The following IFITM10 variants were observed in gnomAD, a reference collection of about 807,000 sequenced individuals.
The protein encoded by IFITM10 is interferon-induced transmembrane protein 10.
IFITM10 carries 17 observed loss-of-function variants against 19.0 expected under a neutral mutation model. The ratio of observed to expected loss-of-function variants is 0.90; its 90% CI spans 0.61 to 1.34. The LOEUF (loss-of-function observed/expected upper bound fraction) is 1.34, where lower values mean the gene tolerates loss of function less well. Among genes scored for constraint, IFITM10 ranks in the 40% most tolerant of loss-of-function variants. The pLI, the probability that IFITM10 is intolerant of heterozygous loss-of-function variation, is 0.00. For synonymous variants in IFITM10, 148 were observed against 147.2 expected, an observed-to-expected ratio of 1.01 and a Z score of -0.04; for missense variants, 306 against 319.8, an observed-to-expected ratio of 0.96 and a Z score of 0.33.
Position 1,735,180 on chromosome 11 carries a change from C to G in IFITM10, c.*100G>C. 1.5e-6 allele frequency: 2 copies of G among 1,342,328 alleles called. No individual in the cohort carries two copies. The highest frequency in any genetic ancestry group is 2.0e-6 in the Non-Finnish European group (2 of 984,998). The allele number at this position is 1,342,328 out of a possible 1,614,324, so 83.2% of individuals were successfully genotyped here. On this transcript the variant is annotated 3_prime_UTR_variant, in exon 3 of 3. Transcript: ENST00000340134. The stretch of plus-strand genomic sequence containing the variant: ...CTCAAGGGGGCCCCAGGACAAGAAG[C>G]CCTGCCCTGCCCCAACCTCATGGGA...
rs987080390 is a variant in IFITM10 at position 1,734,634 on chromosome 11, C to T, written c.*646G>A. 6.6e-6 allele frequency: 1 copy of T among 152,492 alleles called. No homozygotes were observed. Among genetic ancestry groups the T allele is most frequent in the African/African-American group, 2.4e-5 (1 of 41,568 alleles). 9.4% of individuals were successfully genotyped at this position (152,492 alleles called of 1,614,324 possible). A position where few individuals can be genotyped will look rare whatever the true frequency, so the allele number is the denominator to read the frequency against. On this transcript the variant is annotated 3_prime_UTR_variant, in exon 3 of 3. Transcript: ENST00000340134. ...TGGGGTACCTCCACCAAATGCCCCC[C>T]CTTCCCATTCACTGTCTGGCACAGC...
chr11:1,747,725 T>G lies in IFITM10; in HGVS notation c.479A>C (p.Asn160Thr). ...VNDYYLWSIF[N>T]FVYLNFCCLG... ...GCAGCAGAAGTTGAGGTAGACGAAG[T>G]TGAAGATGGACCACAGGTAATAGTC... The change falls in exon 2 of 3, where the codon AAC (asparagine) becomes ACC (threonine). Residue 160 changes from asparagine to threonine, a missense_variant. Coordinates refer to ENST00000340134, the MANE Select transcript of IFITM10 (RefSeq NM_001170820.4). 2 of 1,551,790 alleles carry G rather than the reference T, an allele frequency of 1.3e-6. No homozygotes were observed. The highest frequency in any genetic ancestry group is 2.4e-5 in the South Asian group (2 of 84,066).
chr11:1,749,585 C>T (rs905058738), intron 1 of IFITM10, among the ~76,000 whole-genome samples: 1 of 152,018 alleles, frequency 6.6e-6, no homozygotes, highest in Non-Finnish European at 1.5e-5. Context: ...CCAGGGACCC[C>T]CGCCCCTGGG....
intron 1 of IFITM10, chr11:1,749,118 C>A (rs748374236): frequency 5.5e-6 from 6 of 1,083,316 alleles, no homozygotes; most frequent in Admixed American, 4.3e-5. Flanking sequence ...CGCCTCCCAG[C>A]GGCCCAACCT....
rs1158345101 is a variant in IFITM10 at position 1,733,015 on chromosome 11, GC to G, written c.*2264del. ...GGAAGACACCTGGACACTGGGGTTGGCCTTAGCTGCCCCAGGAACTAGAAGC... is the reference window on the plus strand; with the variant it reads ...GGAAGACACCTGGACACTGGGGTTGGCTTAGCTGCCCCAGGAACTAGAAGC... On this transcript the variant is annotated 3_prime_UTR_variant, in exon 3 of 3. Coordinates refer to ENST00000340134, the MANE Select transcript of IFITM10 (RefSeq NM_001170820.4). The surrounding 1 kb of genome is among the most constrained non-coding windows in gnomAD (Gnocchi z 6.3). The G allele has an allele frequency of 6.6e-6, 1 of 152,268 alleles. No individual in the cohort carries two copies. Among genetic ancestry groups the G allele is most frequent in the Non-Finnish European group, 1.5e-5 (1 of 68,132 alleles). The allele number at this position is 152,268 out of a possible 1,614,324, so 9.4% of individuals were successfully genotyped here.
At chr11:1,750,178 G>T in intron 1 of IFITM10, 181 bp downstream of exon 1, 1 of 598,472 alleles carries the variant, frequency 1.7e-6, no homozygotes. Flanking sequence ...CCCAGCCTCA[G>T]CCGCCTCCGC....
At chr11:1,748,952 G>A (rs1305742597) in intron 1 of IFITM10, 2 of 774,212 alleles carry the variant, frequency 2.6e-6, no homozygotes, top group East Asian at 1.3e-4. Flanking sequence ...GTCTGCGGCC[G>A]AGGCTCTGCA....
At position 1,748,099 on chromosome 11, in the gene IFITM10, G is replaced by T; in HGVS notation, c.105C>A (p.Cys35Ter). Residue 35 changes from cysteine (C) to a stop codon, truncating the protein, a stop_gained, in exon 2 of 3, where the codon TGC becomes TGA. Transcript: ENST00000340134. LOFTEE classifies it high-confidence loss of function. Reference sequence around the variant, plus strand: ...TGGCCGGGTCTCCCAGCGGGGCTGGGCACTGGCCGGGGCCCTGGGCCTGGA... The same window carrying T: ...TGGCCGGGTCTCCCAGCGGGGCTGGTCACTGGCCGGGGCCCTGGGCCTGGA... Reference protein sequence around the residue: ...WELEAQGPGQCPAPLGDPAST... With the variant: ...WELEAQGPGQ 7.1e-7 allele frequency: 1 copy of T among 1,402,498 alleles called. No individual in the cohort carries two copies. The highest frequency in any genetic ancestry group is 9.2e-7 in the Non-Finnish European group (1 of 1,086,136). The allele number at this position is 1,402,498 out of a possible 1,614,324, so 86.9% of individuals were successfully genotyped here.
intron 2 of IFITM10, among the ~76,000 whole-genome samples, chr11:1,746,982 C>A (rs1226167631): frequency 1.3e-5 from 2 of 152,172 alleles, no homozygotes; most frequent in Admixed American, 6.5e-5. Flanking sequence ...CAGCCTCCCT[C>A]CCACCATCTC....
chr11:1,740,653 C>A (rs1845555573), intron 2 of IFITM10, among the ~76,000 whole-genome samples: 1 of 152,068 alleles, frequency 6.6e-6, no homozygotes, highest in Non-Finnish European at 1.5e-5. Context: ...TTTGGCATAG[C>A]AATTTGTGTG....
chr11:1,741,478 G>C (rs1037048037), intron 2 of IFITM10, among the ~76,000 whole-genome samples: 1 of 152,058 alleles, frequency 6.6e-6, no homozygotes, highest in African/African-American at 2.4e-5. Flanking sequence ...CAGGCTGATG[G>C]CTGGGAGTTG....
At chr11:1,740,218 T>G (rs1485210512) in intron 2 of IFITM10, among the ~76,000 whole-genome samples, 1 of 142,442 alleles carries the variant, frequency 7.0e-6, no homozygotes, top group Admixed American at 7.5e-5. Flanking sequence ...GAGAATCGCT[T>G]GAACTCAGGA....
At chr11:1,737,795 C>G (rs567602024) in intron 2 of IFITM10, among the ~76,000 whole-genome samples, 1 of 152,288 alleles carries the variant, frequency 6.6e-6, no homozygotes, top group African/African-American at 2.4e-5. Context: ...GTTTCCTTCT[C>G]TAATTCATTA....
At chr11:1,738,953 C>T (rs1192098867) in intron 2 of IFITM10, among the ~76,000 whole-genome samples, 2 of 144,284 alleles carry the variant, frequency 1.4e-5, no homozygotes, top group Non-Finnish European at 3.0e-5. Context: ...ACTTGGGAGG[C>T]TGAGGCAGGA....
Position 1,742,060 on chromosome 11 carries a change from T to C in IFITM10, c.537+5607A>G, listed in dbSNP as rs547258644. Among the ~76,000 whole-genome samples the C allele has an allele frequency of 9.2e-5, 14 of 152,278 alleles. 1 individual carries two copies. Among genetic ancestry groups the C allele is most frequent in the African/African-American group, 3.1e-4 (13 of 41,560 alleles). On this transcript the variant is annotated intron_variant, in intron 2 of 2. Transcript: ENST00000340134. ...TGTTTATAAACCAACTAATCTATGATAATTCATTAGAGCAGGCTGGACAGG... is the reference window on the plus strand; with the variant it reads ...TGTTTATAAACCAACTAATCTATGACAATTCATTAGAGCAGGCTGGACAGG...
chr11:1,743,626 C>G (rs191106227), intron 2 of IFITM10, among the ~76,000 whole-genome samples: 1 of 152,088 alleles, frequency 6.6e-6, no homozygotes, highest in Non-Finnish European at 1.5e-5. Flanking sequence ...CAACGCAGAA[C>G]CCACCCACCT....
In IFITM10 at chr11:1,747,710, T is replaced by A. The variant is rs1255279558; in HGVS notation, c.494A>T (p.Asn165Ile). The A allele has an allele frequency of 6.4e-7, 1 of 1,551,756 alleles. No individual in the cohort carries two copies. The highest frequency in any genetic ancestry group is 1.4e-5 in the African/African-American group (1 of 73,172). ...GGCGATGAAGCCCAGGCAGCAGAAG[T>A]TGAGGTAGACGAAGTTGAAGATGGA... ...LWSIFNFVYL[N>I]FCCLGFIALA... The change falls in exon 2 of 3, where the codon AAC (asparagine) becomes ATC (isoleucine). Residue 165 changes from asparagine to isoleucine, a missense_variant. Physicochemically the swap from Asn to Ile is moderately radical, Grantham distance 149 (BLOSUM62 -3). Coordinates refer to ENST00000340134, the MANE Select transcript of IFITM10 (RefSeq NM_001170820.4).
intron 2 of IFITM10, among the ~76,000 whole-genome samples, chr11:1,743,148 G>A (rs1359253312): frequency 6.6e-6 from 1 of 150,482 alleles, no homozygotes. Flanking sequence ...ATGGATGGAT[G>A]GACAGATGGA....
At chr11:1,739,784 T>C (rs1279330614) in intron 2 of IFITM10, among the ~76,000 whole-genome samples, 2 of 152,048 alleles carry the variant, frequency 1.3e-5, no homozygotes, top group African/African-American at 4.8e-5. Context: ...CAGGGAGGCA[T>C]GTCCTGGGAG....
Sources: gnomAD v4.1 joint callset for allele counts (sites outside exome capture counted in the v4.1 genomes callset) on GRCh38, gnomAD v4.1.1 for gene constraint, Gnocchi (gnomAD v3.1) non-coding constraint, MANE v1.5 for transcripts, NCBI Gene and HGNC (gene_info 2026-07-23, HGNC 2026-07-21) for gene names.